Variants in NEBL observed in about 807,000 individuals in gnomAD.
NEBL encodes the protein nebulette.
A neutral mutation model predicts 140.2 loss-of-function variants in NEBL; 122 were observed. That is an observed-to-expected ratio of 0.87 (90% confidence interval 0.75 to 1.01). NEBL has a LOEUF of 1.01. NEBL is among the 50% of genes least tolerant of loss of function. The probability of loss-of-function intolerance (pLI) is 0.00; values close to 1 mark genes in which losing one functional copy is unlikely to be tolerated. For synonymous variants in NEBL, 436 were observed against 398.9 expected, an observed-to-expected ratio of 1.09 and a Z score of -1.11; for missense variants, 1,365 against 1,231.3, an observed-to-expected ratio of 1.11 and a Z score of -1.62.
At chr10:21,175,961 T>C (rs1841290908), upstream of NEBL, among the ~76,000 whole-genome samples, 1 of 152,192 alleles carries the variant, frequency 6.6e-6, no homozygotes, top group African/African-American at 2.4e-5. Flanking sequence ...GCTGATTACA[T>C]CTAACCTTTG....
At chr10:21,132,716 G>C (rs564124127) in intron 2 of NEBL, among the ~76,000 whole-genome samples, 2 of 152,212 alleles carry the variant, frequency 1.3e-5, no homozygotes, top group Admixed American at 1.3e-4. Flanking sequence ...GTTTTGATTT[G>C]TATTTCCCTA....
At chr10:21,032,952 C>T (rs539633347) in intron 2 of NEBL, among the ~76,000 whole-genome samples, 2 of 152,240 alleles carry the variant, frequency 1.3e-5, no homozygotes, top group African/African-American at 4.8e-5. Flanking sequence ...AAATGCTTAT[C>T]GGCTATTGAA....
chr10:21,003,759 T>C (rs528759648), intron 3 of NEBL, among the ~76,000 whole-genome samples: 10 of 152,320 alleles, frequency 6.6e-5, no homozygotes, highest in Non-Finnish European at 1.5e-4. Context: ...TGTAGGAAAA[T>C]TGTCATATAA....
chr10:20,840,407 CT>C (rs1841303546), intron 13 of NEBL, among the ~76,000 whole-genome samples: 1 of 152,096 alleles, frequency 6.6e-6, no homozygotes, highest in East Asian at 1.9e-4. Flanking sequence ...AGCATGTGAA[CT>C]TTCTACCTGC....
At chr10:21,025,942 G>A (rs1227233822) in intron 2 of NEBL, among the ~76,000 whole-genome samples, 1 of 151,948 alleles carries the variant, frequency 6.6e-6, no homozygotes, top group Non-Finnish European at 1.5e-5. Context: ...TTAATATTAT[G>A]GCTACTAACT....
At chr10:21,234,074 G>C (rs1057205344) in intron 3 of NEBL, among the ~76,000 whole-genome samples, 5 of 150,974 alleles carry the variant, frequency 3.3e-5, no homozygotes, top group African/African-American at 1.2e-4. Flanking sequence ...AAACACTCCA[G>C]GAAAGTATTA....
At chr10:20,865,266 AATT>A (rs1446076260) in intron 7 of NEBL, among the ~76,000 whole-genome samples, 1 of 152,172 alleles carries the variant, frequency 6.6e-6, no homozygotes, top group African/African-American at 2.4e-5. Context: ...ATTCCTATGA[AATT>A]ATGTCATGTT....
intron 16 of NEBL, 131 bp from the exon 17 acceptor site, chr10:20,828,765 CAGAG>C (rs10631047): frequency 1.0e-3 from 595 of 590,322 alleles, no homozygotes; most frequent in Admixed American, 1.4e-3. Context: ...CTTACACTCC[CAGAG>C]AGAGAGAGAG....
chr10:21,090,971 G>C (rs1206914321), intron 2 of NEBL, among the ~76,000 whole-genome samples: 3 of 151,520 alleles, frequency 2.0e-5, no homozygotes, highest in African/African-American at 7.3e-5. Flanking sequence ...TTTTTTCCCA[G>C]CGTCCCACCA....
chr10:20,853,930 G>A (rs1368563058), intron 9 of NEBL, among the ~76,000 whole-genome samples: 7 of 152,142 alleles, frequency 4.6e-5, no homozygotes, highest in Non-Finnish European at 1.0e-4. Context: ...TGCTTGAACT[G>A]ATGGATACCT....
upstream of NEBL, chr10:21,174,450 G>C (rs1218916796): frequency 2.0e-5 from 3 of 152,322 alleles, no homozygotes; most frequent in East Asian, 5.8e-4. Context: ...TCAAACCCGC[G>C]TACTCCCTTC....
At chr10:21,001,065 C>A (rs1215348170) in intron 3 of NEBL, among the ~76,000 whole-genome samples, 2 of 152,126 alleles carry the variant, frequency 1.3e-5, no homozygotes, top group Non-Finnish European at 1.5e-5. Flanking sequence ...TCCCCATGAG[C>A]TTGTATAGAT....
intron 2 of NEBL, among the ~76,000 whole-genome samples, chr10:21,117,856 C>T (rs1490108670): frequency 2.0e-5 from 3 of 151,688 alleles, no homozygotes; most frequent in South Asian, 2.1e-4. Flanking sequence ...GCAACTCGGC[C>T]GCTATTATCT....
intron 7 of NEBL, among the ~76,000 whole-genome samples, chr10:20,866,916 A>G (rs926726353): frequency 4.6e-5 from 7 of 152,202 alleles, no homozygotes; most frequent in South Asian, 2.1e-4. Flanking sequence ...TTTTTCATTC[A>G]TGGTAAGAAC....
intron 2 of NEBL, among the ~76,000 whole-genome samples, chr10:21,027,742 A>G (rs2131794530): frequency 6.6e-6 from 1 of 152,238 alleles, no homozygotes; most frequent in African/African-American, 2.4e-5. Context: ...GCTGGGGACC[A>G]TCTTTCACAC....
chr10:21,176,758 AG>A (rs1841306843), upstream of NEBL, among the ~76,000 whole-genome samples: 1 of 152,164 alleles, frequency 6.6e-6, no homozygotes, highest in African/African-American at 2.4e-5. Context: ...TTCCGCTGAC[AG>A]GGACACTCAC....
At chr10:20,886,718 G>T (rs1313392237) in intron 4 of NEBL, among the ~76,000 whole-genome samples, 2 of 152,172 alleles carry the variant, frequency 1.3e-5, no homozygotes, top group Admixed American at 1.3e-4. Flanking sequence ...TAACCTCTCA[G>T]TGCTTCGGTC....
chr10:21,128,159 T>A (rs1838925043), intron 2 of NEBL, among the ~76,000 whole-genome samples: 3 of 152,152 alleles, frequency 2.0e-5, no homozygotes. Context: ...AAACAGTAAA[T>A]TTTTTTAATT....
intron 1 of NEBL, among the ~76,000 whole-genome samples, chr10:21,275,438 G>A (rs575769781): frequency 5.9e-5 from 9 of 152,252 alleles, no homozygotes; most frequent in South Asian, 2.1e-4. Flanking sequence ...AGGGGTCTCC[G>A]AGAGTTCCTC....
Sources: gnomAD v4.1 joint callset for allele counts (sites outside exome capture counted in the v4.1 genomes callset) on GRCh38, gnomAD v4.1.1 for gene constraint, MANE v1.5 for transcripts, NCBI Gene and HGNC (gene_info 2026-07-23, HGNC 2026-07-21) for gene names.